Variants in ADAM9 observed in about 807,000 individuals in gnomAD.
The protein encoded by ADAM9 is disintegrin and metalloproteinase domain-containing protein 9.
In ADAM9, 54 loss-of-function variants were observed where a neutral mutation model predicts 108.1. The observed-to-expected ratio is 0.50, with a 90% CI of 0.40 to 0.63. ADAM9 has a LOEUF of 0.63. Ranked by LOEUF, ADAM9 falls within the 20% of genes least tolerant of loss-of-function variation. The pLI, the probability that ADAM9 is intolerant of heterozygous loss-of-function variation, is 0.00. For missense variants in ADAM9, 830 were observed against 997.7 expected, an observed-to-expected ratio of 0.83 and a Z score of 2.26; for synonymous variants, 316 against 336.0, an observed-to-expected ratio of 0.94 and a Z score of 0.65.
chr8:38,996,986 C>T lies in ADAM9; in HGVS notation c.-78C>T, dbSNP rs757772999. On this transcript the variant is annotated 5_prime_UTR_variant, in exon 1 of 22. Transcript: ENST00000487273. ...CGCTTCCCGGCCAGACTTGGGGCCC[C>T]GGCAGGGTTGGAAAATGATGGAAGA... The T allele has an allele frequency of 6.5e-6, 10 of 1,544,184 alleles. No individual in the cohort carries two copies. The African/African-American group carries it at 8.2e-5, about 13-fold the overall frequency.
chr8:39,085,917 T>G (rs910457979), intron 18 of ADAM9, among the ~76,000 whole-genome samples: 10 of 152,164 alleles, frequency 6.6e-5, no homozygotes, highest in Admixed American at 6.5e-4. Flanking sequence ...CTCATCCAGG[T>G]CCTCCAATTT....
chr8:39,053,872 T>C (rs191303045), intron 12 of ADAM9, among the ~76,000 whole-genome samples: 1 of 152,212 alleles, frequency 6.6e-6, no homozygotes, highest in Non-Finnish European at 1.5e-5. Flanking sequence ...CATACTGTTA[T>C]GAACTGAATG....
chr8:39,093,479 G>A (rs1295396930), intron 20 of ADAM9, among the ~76,000 whole-genome samples: 1 of 152,116 alleles, frequency 6.6e-6, no homozygotes, highest in Non-Finnish European at 1.5e-5. Context: ...AGTTCTAACA[G>A]TTTTTTGGTT....
intron 20 of ADAM9, among the ~76,000 whole-genome samples, chr8:39,093,210 C>CCAGT (rs1251291273): frequency 6.6e-6 from 1 of 152,106 alleles, no homozygotes; most frequent in East Asian, 1.9e-4. Context: ...ATTAACTCTT[C>CCAGT]CAGTCAGTGA....
Position 39,011,524 on chromosome 8 carries a change from C to A in ADAM9, c.196-134C>A, listed in dbSNP as rs188155300. Reference sequence around the variant, plus strand: ...ATTATTTAAGAATAGACACAAAGTTCTTCTATTAAATAGTTCAGCCAATAC... The same window carrying A: ...ATTATTTAAGAATAGACACAAAGTTATTCTATTAAATAGTTCAGCCAATAC... On this transcript the variant is annotated intron_variant, in intron 2 of 21. Transcript: ENST00000487273. 1.5e-3 allele frequency: 1,138 copies of A among 740,770 alleles called. 6 individuals carry two copies. The highest frequency in any genetic ancestry group is 3.5e-3 in the Middle Eastern group (9 of 2,606). 45.9% of individuals were successfully genotyped at this position (740,770 alleles called of 1,614,324 possible).
chr8:39,019,430 A>G (rs1836661031), intron 7 of ADAM9, among the ~76,000 whole-genome samples: 2 of 152,206 alleles, frequency 1.3e-5, no homozygotes, highest in Admixed American at 1.3e-4. Flanking sequence ...TACTTAAGAA[A>G]CTGAACTAAG....
intron 11 of ADAM9, among the ~76,000 whole-genome samples, chr8:39,035,244 A>G (rs1837232707): frequency 6.6e-6 from 1 of 151,784 alleles, no homozygotes; most frequent in Non-Finnish European, 1.5e-5. Flanking sequence ...TGAATTATTA[A>G]TTTTGCTTAT....
chr8:39,058,416 C>T (rs1838194619), intron 14 of ADAM9, among the ~76,000 whole-genome samples: 2 of 152,156 alleles, frequency 1.3e-5, no homozygotes, highest in South Asian at 2.1e-4. Flanking sequence ...CCCAAACTGT[C>T]GTTCTTGAAG....
chr8:39,093,165 G>T (rs1839403925), intron 20 of ADAM9, among the ~76,000 whole-genome samples: 3 of 152,082 alleles, frequency 2.0e-5, no homozygotes, highest in Admixed American at 2.0e-4. Flanking sequence ...AATAGATATT[G>T]CATTGAATCT....
intron 14 of ADAM9, among the ~76,000 whole-genome samples, chr8:39,066,255 G>C (rs1469682697): frequency 4.6e-5 from 7 of 152,098 alleles, no homozygotes; most frequent in Non-Finnish European, 8.8e-5. Flanking sequence ...ATAATCCTTT[G>C]GGTATATACC....
intron 14 of ADAM9, among the ~76,000 whole-genome samples, chr8:39,059,687 G>A (rs1475862441): frequency 1.3e-5 from 2 of 152,232 alleles, no homozygotes; most frequent in Non-Finnish European, 2.9e-5. Context: ...AATCACGTCT[G>A]GCTGTTTCTT....
rs558525774 is a variant in ADAM9, at chr8:39,096,584, CA to C, written c.2298+5239del. ...AAAAGTGATTTTCACACTCACATTA[CA>C]GTACTACAGGATTCTCTGTCTATAC... On this transcript the variant is annotated intron_variant, in intron 20 of 21. Transcript: ENST00000487273. Among the ~76,000 whole-genome samples, 127 of 152,300 alleles carry C rather than the reference CA, an allele frequency of 8.3e-4. 1 individual carries two copies. Among genetic ancestry groups the C allele is most frequent in the African/African-American group, 2.9e-3 (122 of 41,584 alleles).
intron 1 of ADAM9, among the ~76,000 whole-genome samples, chr8:39,004,517 C>T (rs1317315655): frequency 2.0e-5 from 3 of 152,122 alleles, no homozygotes; most frequent in African/African-American, 7.2e-5. Flanking sequence ...GCCTGGCCAG[C>T]ATATGTAATC....
At chr8:39,046,998 G>C (rs1837796367) in intron 12 of ADAM9, among the ~76,000 whole-genome samples, 1 of 152,164 alleles carries the variant, frequency 6.6e-6, no homozygotes, top group Admixed American at 6.5e-5. Flanking sequence ...CGAACTCCTG[G>C]ACTCAAGCAG....
intron 20 of ADAM9, among the ~76,000 whole-genome samples, chr8:39,094,620 A>G (rs1839444825): frequency 6.6e-6 from 1 of 152,040 alleles, no homozygotes; most frequent in South Asian, 2.1e-4. Flanking sequence ...TGATCTTTTC[A>G]GATTTTTTAT....
intron 20 of ADAM9, among the ~76,000 whole-genome samples, chr8:39,098,647 A>G (rs1258085292): frequency 1.3e-5 from 2 of 152,132 alleles, no homozygotes; most frequent in Non-Finnish European, 2.9e-5. Context: ...TTATAGTTTT[A>G]TTATCTGTTT....
intron 14 of ADAM9, among the ~76,000 whole-genome samples, chr8:39,067,392 T>C (rs1838517983): frequency 6.6e-6 from 1 of 152,264 alleles, no homozygotes; most frequent in Admixed American, 6.5e-5. Context: ...GAGCATGGAA[T>C]GTTCTTCCAT....
At chr8:39,040,203 C>T (rs1837416139) in intron 11 of ADAM9, among the ~76,000 whole-genome samples, 2 of 152,154 alleles carry the variant, frequency 1.3e-5, no homozygotes, top group South Asian at 2.1e-4. Context: ...ACGTGCACCA[C>T]CACACCTGGC....
rs370403659 is a variant in ADAM9, at chr8:39,045,587, T to A, written c.1302+3470T>A. Among the ~76,000 whole-genome samples the A allele has an allele frequency of 6.7e-5, 10 of 148,830 alleles. 1 individual carries two copies. Among genetic ancestry groups the A allele is most frequent in the Non-Finnish European group, 1.2e-4 (8 of 66,896 alleles). ...GTGTGTGTGTATATATATATATATA[T>A]AAAAGATTTTTCTCATCCAGTCGAC... On this transcript the variant is annotated intron_variant, in intron 12 of 21. Transcript: ENST00000487273.
Sources: gnomAD v4.1 joint callset for allele counts (sites outside exome capture counted in the v4.1 genomes callset) on GRCh38, gnomAD v4.1.1 for gene constraint, MANE v1.5 for transcripts, NCBI Gene and HGNC (gene_info 2026-07-23, HGNC 2026-07-21) for gene names.